The following NAALADL2 variants were observed in gnomAD, a reference collection of about 807,000 sequenced individuals.
NAALADL2 encodes N-acetylated alpha-linked acidic dipeptidase like 2.
Under a neutral mutation model 87.2 loss-of-function variants are expected in NAALADL2, and 76 were observed. That is an observed-to-expected ratio of 0.87 (90% confidence interval 0.72 to 1.05). The LOEUF (loss-of-function observed/expected upper bound fraction) is 1.05. Among genes scored for constraint, NAALADL2 ranks in the 50% least tolerant of loss-of-function variants. The pLI, the probability that NAALADL2 is intolerant of heterozygous loss-of-function variation, is 0.00. For synonymous variants in NAALADL2, 354 were observed against 331.0 expected (o/e 1.07, Z -0.75); for missense variants, 1,089 against 945.8 (o/e 1.15, Z -1.99).
rs147082622 is a variant in NAALADL2 at position 175,294,050 on chromosome 3, T to A, written c.940-30125T>A. Among the ~76,000 whole-genome samples the A allele has an allele frequency of 2.2e-3, 328 of 152,202 alleles. 1 individual carries two copies. The highest frequency in any genetic ancestry group is 7.4e-3 in the African/African-American group (308 of 41,522). ...GTCCAGGTACACCGAGCAGGCGGGT[T>A]ACAACAGGTAATAGGCAAGAGGAGT... On this transcript the variant is annotated intron_variant, in intron 4 of 13. Transcript: ENST00000454872.
At chr3:175,255,701 C>T (rs1284823552) in intron 3 of NAALADL2, among the ~76,000 whole-genome samples, 1 of 152,098 alleles carries the variant, frequency 6.6e-6, no homozygotes, top group Non-Finnish European at 1.5e-5. Flanking sequence ...TTGAAATCTC[C>T]AGAAAGGCAT....
intron 2 of NAALADL2, among the ~76,000 whole-genome samples, chr3:175,123,637 TCTTAG>T (rs1424135684): frequency 6.6e-6 from 1 of 151,934 alleles, no homozygotes; most frequent in Admixed American, 6.6e-5. Context: ...TTCCATGTGT[TCTTAG>T]CTTAAACTGC....
chr3:175,266,090 G>A (rs916920054), intron 4 of NAALADL2, among the ~76,000 whole-genome samples: 1 of 150,244 alleles, frequency 6.7e-6, no homozygotes, highest in Non-Finnish European at 1.5e-5. Context: ...TACTAGATTT[G>A]CATTTCAAAA....
At chr3:174,503,553 CT>C (rs1719033522) in intron 1 of NAALADL2, among the ~76,000 whole-genome samples, 1 of 152,080 alleles carries the variant, frequency 6.6e-6, no homozygotes, top group South Asian at 2.1e-4. Flanking sequence ...AGATTTATGG[CT>C]TTTCAAAAAT....
chr3:175,632,266 T>TTCTCTCTC (rs61458338), intron 11 of NAALADL2, among the ~76,000 whole-genome samples: 438 of 129,520 alleles, frequency 3.4e-3, no homozygotes, highest in Middle Eastern at 0.012. Flanking sequence ...CACTTTCCCC[T>TTCTCTCTC]TCTCTCTCTC....
At chr3:174,850,464 A>C (rs1266390662) in intron 3 of NAALADL2, among the ~76,000 whole-genome samples, 1 of 152,194 alleles carries the variant, frequency 6.6e-6, no homozygotes, top group Non-Finnish European at 1.5e-5. Context: ...AAAAAAGAGC[A>C]GGACTGTATT....
chr3:175,319,577 C>T (rs970940874), intron 4 of NAALADL2, among the ~76,000 whole-genome samples: 5 of 152,110 alleles, frequency 3.3e-5, no homozygotes, highest in South Asian at 2.1e-4. Flanking sequence ...CCCAGCCCTT[C>T]GGGAGGCCGA....
At chr3:174,630,123 A>T (rs566433765) in intron 2 of NAALADL2, among the ~76,000 whole-genome samples, 1 of 152,182 alleles carries the variant, frequency 6.6e-6, no homozygotes, top group Admixed American at 6.5e-5. Context: ...ACTAAACTGC[A>T]TATTTCTGAA....
At chr3:174,631,015 C>G (rs1722061273) in intron 2 of NAALADL2, among the ~76,000 whole-genome samples, 1 of 152,114 alleles carries the variant, frequency 6.6e-6, no homozygotes, top group African/African-American at 2.4e-5. Context: ...GCATGATATT[C>G]TTTTGTGTGA....
intron 1 of NAALADL2, among the ~76,000 whole-genome samples, chr3:174,993,863 C>A (rs527590322): frequency 6.6e-6 from 1 of 152,126 alleles, no homozygotes; most frequent in Admixed American, 6.6e-5. Flanking sequence ...GACTTCCATG[C>A]CTTTCTCTTA....
At chr3:175,335,552 T>C (rs1324450855) in intron 5 of NAALADL2, among the ~76,000 whole-genome samples, 1 of 152,194 alleles carries the variant, frequency 6.6e-6, no homozygotes, top group Non-Finnish European at 1.5e-5. Context: ...CATAGATGAG[T>C]GCTCCTAAAG....
At chr3:175,716,018 C>T (rs1040550957) in intron 11 of NAALADL2, among the ~76,000 whole-genome samples, 1 of 150,964 alleles carries the variant, frequency 6.6e-6, no homozygotes, top group Non-Finnish European at 1.5e-5. Context: ...TGATTAGGTG[C>T]TGTGTATAGA....
At chr3:174,538,579 T>C (rs141818814) in intron 1 of NAALADL2, among the ~76,000 whole-genome samples, 17 of 152,298 alleles carry the variant, frequency 1.1e-4, no homozygotes, top group African/African-American at 3.6e-4. Flanking sequence ...CTTCCCTTTC[T>C]AGGTGTCTTT....
intron 5 of NAALADL2, among the ~76,000 whole-genome samples, chr3:175,442,540 C>T (rs961698828): frequency 4.6e-5 from 7 of 152,016 alleles, no homozygotes; most frequent in Admixed American, 3.9e-4. Flanking sequence ...TTTGGTGTCA[C>T]CTTGGTAGAG....
At chr3:175,565,263 A>G (rs1340872853) in intron 9 of NAALADL2, among the ~76,000 whole-genome samples, 3 of 152,138 alleles carry the variant, frequency 2.0e-5, no homozygotes, top group African/African-American at 4.8e-5. Context: ...AATAAAAAGA[A>G]CTCATCTCAT....
chr3:175,132,553 CG>C (rs1222125238), intron 2 of NAALADL2, among the ~76,000 whole-genome samples: 1 of 63,016 alleles, frequency 1.6e-5, no homozygotes, highest in Non-Finnish European at 2.9e-5. Context: ...AATGGCCGGG[CG>C]GGGGGGCTGA....
intron 9 of NAALADL2, among the ~76,000 whole-genome samples, chr3:175,532,086 G>A (rs922471718): frequency 1.3e-5 from 2 of 152,174 alleles, no homozygotes; most frequent in Non-Finnish European, 2.9e-5. Context: ...TGCTAAGTGT[G>A]TCTATGCCAA....
chr3:174,671,353 G>A (rs1014083238), intron 2 of NAALADL2, among the ~76,000 whole-genome samples: 5 of 151,954 alleles, frequency 3.3e-5, no homozygotes, highest in Non-Finnish European at 7.4e-5. Context: ...CCATTGTTGG[G>A]GTCCTAGTGA....
In NAALADL2 at chr3:174,464,192, A is replaced by G. The variant is rs144460630; in HGVS notation, c.-184+23160A>G. 1.7e-3 allele frequency among the ~76,000 whole-genome samples: 257 copies of G among 152,236 alleles called. 1 individual carries two copies. The highest frequency in any genetic ancestry group is 6.0e-3 in the African/African-American group (251 of 41,552). ...TTTGGTTTGGAAACTGATTTCACGAACTAATGTTTAAGTCCCCTTAAAAGT... is the reference window on the plus strand; with the variant it reads ...TTTGGTTTGGAAACTGATTTCACGAGCTAATGTTTAAGTCCCCTTAAAAGT... On this transcript the variant is annotated intron_variant, in intron 1 of 3. Coordinates refer to the NAALADL2 transcript ENST00000434257.
Sources: allele counts gnomAD v4.1 joint callset (sites outside exome capture counted in the v4.1 genomes callset), GRCh38; gene constraint gnomAD v4.1.1; transcripts MANE v1.5; gene names NCBI Gene and HGNC (gene_info 2026-07-23, HGNC 2026-07-21).